DSCAM: variants seen among roughly 807,000 people sequenced by gnomAD.
DSCAM encodes DS cell adhesion molecule.
In DSCAM, 47 loss-of-function variants were observed where a neutral mutation model predicts 217.7. The observed-to-expected ratio is 0.22, with a 90% CI of 0.17 to 0.28. The LOEUF (loss-of-function observed/expected upper bound fraction) is 0.28. Among genes scored for constraint, DSCAM ranks in the 10% least tolerant of loss-of-function variants. The pLI, the probability that DSCAM is intolerant of heterozygous loss-of-function variation, is 1.00. For synonymous variants in DSCAM, 1,056 were observed against 1,015.3 expected, an observed-to-expected ratio of 1.04 and a Z score of -0.76; for missense variants, 2,080 against 2,618.3, an observed-to-expected ratio of 0.79 and a Z score of 4.49.
intron 29 of DSCAM, among the ~76,000 whole-genome samples, chr21:40,054,745 T>C (rs1406058592): frequency 6.6e-6 from 1 of 152,164 alleles, no homozygotes; most frequent in Non-Finnish European, 1.5e-5. Flanking sequence ...GCAGGTGGCC[T>C]GCTGCTGTGC....
intron 11 of DSCAM, among the ~76,000 whole-genome samples, chr21:40,268,106 C>T (rs1244022829): frequency 6.6e-6 from 1 of 152,204 alleles, no homozygotes; most frequent in Non-Finnish European, 1.5e-5. Flanking sequence ...AATGCTTTCT[C>T]CAAGACGTAT....
chr21:40,443,097 A>G (rs1027076562), intron 3 of DSCAM, among the ~76,000 whole-genome samples: 1 of 152,226 alleles, frequency 6.6e-6, no homozygotes, highest in Non-Finnish European at 1.5e-5. Context: ...CCTGTGGATC[A>G]TATCGTGTTG....
chr21:40,160,208 C>G (rs1238401605), intron 16 of DSCAM, among the ~76,000 whole-genome samples: 3 of 152,194 alleles, frequency 2.0e-5, no homozygotes, highest in African/African-American at 7.2e-5. Flanking sequence ...ATAAAACACA[C>G]AACTCAGAAC....
intron 9 of DSCAM, among the ~76,000 whole-genome samples, chr21:40,306,036 A>T (rs2074071354): frequency 6.6e-6 from 1 of 151,846 alleles, no homozygotes; most frequent in Admixed American, 6.6e-5. Flanking sequence ...CTTGGGCAGT[A>T]TGGCCATTTT....
intron 32 of DSCAM, among the ~76,000 whole-genome samples, chr21:40,020,901 C>A (rs370609340): frequency 6.6e-6 from 1 of 152,142 alleles, no homozygotes; most frequent in Non-Finnish European, 1.5e-5. Context: ...GTGCTCTGCC[C>A]TGAGGCCAAT....
At chr21:40,381,490 C>T (rs1318889807) in intron 3 of DSCAM, among the ~76,000 whole-genome samples, 1 of 152,136 alleles carries the variant, frequency 6.6e-6, no homozygotes, top group Admixed American at 6.5e-5. Context: ...TAAAAAGCAA[C>T]ACATACAAAA....
At chr21:40,188,529 A>G (rs1330318381) in intron 12 of DSCAM, among the ~76,000 whole-genome samples, 1 of 152,166 alleles carries the variant, frequency 6.6e-6, no homozygotes, top group Non-Finnish European at 1.5e-5. Flanking sequence ...GTGCTACAGT[A>G]TCATCCTCCA....
intron 3 of DSCAM, among the ~76,000 whole-genome samples, chr21:40,648,517 G>A (rs551749433): frequency 2.0e-4 from 30 of 152,248 alleles, no homozygotes; most frequent in African/African-American, 7.0e-4. Flanking sequence ...CTAGCTATAA[G>A]TCCTGGGTAC....
chr21:40,217,180 C>T (rs887331271), intron 11 of DSCAM, among the ~76,000 whole-genome samples: 1 of 152,122 alleles, frequency 6.6e-6, no homozygotes, highest in East Asian at 1.9e-4. Flanking sequence ...TATTGTATTA[C>T]ATTTCTTGAT....
intron 3 of DSCAM, among the ~76,000 whole-genome samples, chr21:40,396,630 C>T (rs1011676623): frequency 2.0e-5 from 3 of 152,048 alleles, no homozygotes; most frequent in African/African-American, 7.3e-5. Flanking sequence ...GCCCCTAAAA[C>T]ACTGCTACCA....
intron 3 of DSCAM, among the ~76,000 whole-genome samples, chr21:40,611,579 C>G (rs997639310): frequency 2.0e-5 from 3 of 152,190 alleles, no homozygotes; most frequent in African/African-American, 7.2e-5. Flanking sequence ...CTGGATGGTG[C>G]AGATCCAGCA....
At chr21:40,594,306 G>A (rs1028691314) in intron 3 of DSCAM, among the ~76,000 whole-genome samples, 4 of 152,338 alleles carry the variant, frequency 2.6e-5, no homozygotes, top group African/African-American at 9.6e-5. Flanking sequence ...AAAGCCATGA[G>A]TCCCTGGAAG....
intron 11 of DSCAM, among the ~76,000 whole-genome samples, chr21:40,247,016 A>G (rs748974985): frequency 3.9e-5 from 6 of 152,208 alleles, no homozygotes; most frequent in Non-Finnish European, 8.8e-5. Context: ...TGGCAGCAAG[A>G]GAAAAATGAA....
Position 40,539,737 on chromosome 21 carries a change from T to C in DSCAM, c.508+153073A>G, listed in dbSNP as rs117545232. ...AGAAGGGATATTATGATGTTATTAA[T>C]TGAAAAAAAGACAATTCCTGAGATT... On this transcript the variant is annotated intron_variant, in intron 3 of 32. Coordinates refer to ENST00000400454, the MANE Select transcript of DSCAM (RefSeq NM_001389.5). Among the ~76,000 whole-genome samples the C allele has an allele frequency of 5.2e-3, 791 of 152,200 alleles. 20 individuals carry two copies. The highest frequency in any genetic ancestry group is 0.034 in the Admixed American group (522 of 15,288).
intron 3 of DSCAM, among the ~76,000 whole-genome samples, chr21:40,648,376 G>T (rs1366470011): frequency 6.6e-6 from 1 of 151,590 alleles, no homozygotes; most frequent in South Asian, 2.1e-4. Flanking sequence ...GTGATCTCTC[G>T]TTTGGGCAGA....
chr21:40,245,259 G>C (rs560232020), intron 11 of DSCAM, among the ~76,000 whole-genome samples: 2 of 152,334 alleles, frequency 1.3e-5, no homozygotes, highest in East Asian at 3.9e-4. Context: ...GGTCTGGAGA[G>C]GCAGCCAGCA....
chr21:40,787,214 G>A (rs746039309), intron 1 of DSCAM, among the ~76,000 whole-genome samples: 2 of 152,306 alleles, frequency 1.3e-5, no homozygotes, highest in African/African-American at 2.4e-5. Context: ...TTAAATGTGC[G>A]GGCTTGCATA....
At chr21:40,058,562 CATT>C in intron 28 of DSCAM, among the ~76,000 whole-genome samples, 1 of 152,156 alleles carries the variant, frequency 6.6e-6, no homozygotes, top group Non-Finnish European at 1.5e-5. Context: ...TAAATCCTCA[CATT>C]GATTTATTTT....
At chr21:40,793,829 G>A (rs755852055) in intron 1 of DSCAM, among the ~76,000 whole-genome samples, 1 of 152,208 alleles carries the variant, frequency 6.6e-6, no homozygotes, top group East Asian at 1.9e-4. Flanking sequence ...AACTCAAAGA[G>A]AGAATGAAGC....
Sources: gnomAD v4.1 joint callset for allele counts (sites outside exome capture counted in the v4.1 genomes callset) on GRCh38, gnomAD v4.1.1 for gene constraint, MANE v1.5 for transcripts, NCBI Gene and HGNC (gene_info 2026-07-23, HGNC 2026-07-21) for gene names.